SHB: variants seen among roughly 807,000 people sequenced by gnomAD.
SHB encodes SH2 domain containing adaptor protein B.
A neutral mutation model predicts 52.3 loss-of-function variants in SHB; 20 were observed. The observed-to-expected ratio is 0.38, with a 90% CI of 0.27 to 0.56. The LOEUF (loss-of-function observed/expected upper bound fraction) is 0.56, where lower values mean the gene tolerates loss of function less well. Ranked by LOEUF, SHB falls within the 20% of genes least tolerant of loss-of-function variation. The pLI is 0.71. For synonymous variants in SHB, 397 were observed against 316.5 expected (o/e 1.25, Z -2.70); for missense variants, 825 against 723.3 (o/e 1.14, Z -1.61).
chr9:37,988,763 C>T (rs1379561805), intron 2 of SHB, among the ~76,000 whole-genome samples: 1 of 152,138 alleles, frequency 6.6e-6, no homozygotes, highest in Non-Finnish European at 1.5e-5. Context: ...GATTGCACAC[C>T]CCTCCTTGTT....
intron 2 of SHB, among the ~76,000 whole-genome samples, chr9:38,004,753 C>T (rs774237198): frequency 7.9e-5 from 12 of 152,130 alleles, no homozygotes; most frequent in Non-Finnish European, 7.4e-5. Flanking sequence ...AGTGCATGTG[C>T]CAGCGTCCAC....
At chr9:38,055,131 A>G (rs3849927) in intron 1 of SHB, among the ~76,000 whole-genome samples, 104,807 of 152,152 alleles carry the variant, frequency 0.69, 36,268 homozygotes, top group South Asian at 0.78. Flanking sequence ...TGCTGCCAGG[A>G]CTGGTCCTGG....
rs561032981 is a variant in SHB, at chr9:37,916,607, G to A, written c.*3214C>T. On this transcript the variant is annotated 3_prime_UTR_variant, in exon 6 of 6. Coordinates refer to ENST00000377707, the MANE Select transcript of SHB (RefSeq NM_003028.3). ...CACAGAGGGGCCCCGGCCCACAGCC[G>A]CCCTGTGAGGACAGGGCCTGCCTCC... Among the ~76,000 whole-genome samples, 23 of 152,304 alleles carry A rather than the reference G, an allele frequency of 1.5e-4. No individual in the cohort carries two copies. The East Asian group carries it at 2.3e-3, about 15-fold the overall frequency.
At chr9:37,996,641 T>C (rs930396253) in intron 2 of SHB, among the ~76,000 whole-genome samples, 4 of 152,218 alleles carry the variant, frequency 2.6e-5, no homozygotes, top group African/African-American at 9.6e-5. Flanking sequence ...GGGCCAAGGT[T>C]GGAGCCTGCT....
intron 5 of SHB, among the ~76,000 whole-genome samples, chr9:37,927,787 GT>G (rs1197203297): frequency 6.6e-6 from 1 of 152,142 alleles, no homozygotes; most frequent in African/African-American, 2.4e-5. Context: ...GCCTTTTGTA[GT>G]CCCCCCTCAG....
intron 1 of SHB, among the ~76,000 whole-genome samples, chr9:38,034,577 C>T (rs1821458803): frequency 6.6e-6 from 1 of 152,262 alleles, no homozygotes; most frequent in Non-Finnish European, 1.5e-5. Context: ...GGTTGGTTCT[C>T]ATTCTGTCCT....
Position 38,046,141 on chromosome 9 carries a change from C to A in SHB, c.717+21788G>T, listed in dbSNP as rs913947499. ...ATTCAGGAGGCTGAGGTGGGAGAATCGCTCAAAACCGGGAGGCGGAAGTTG... is the reference window on the plus strand; with the variant it reads ...ATTCAGGAGGCTGAGGTGGGAGAATAGCTCAAAACCGGGAGGCGGAAGTTG... On this transcript the variant is annotated intron_variant, in intron 1 of 5. Coordinates refer to ENST00000377707, the MANE Select transcript of SHB (RefSeq NM_003028.3). Among the ~76,000 whole-genome samples the A allele has an allele frequency of 5.3e-5, 8 of 150,976 alleles. No individual in the cohort carries two copies. The South Asian group carries it at 1.7e-3, about 32-fold the overall frequency.
chr9:37,964,681 A>G (rs1832729503), intron 3 of SHB, among the ~76,000 whole-genome samples: 1 of 152,196 alleles, frequency 6.6e-6, no homozygotes, highest in South Asian at 2.1e-4. Context: ...GAGGCCCCTA[A>G]CAAGTTCAGC....
intron 3 of SHB, among the ~76,000 whole-genome samples, chr9:37,970,406 C>A (rs924627908): frequency 2.0e-5 from 3 of 152,166 alleles, no homozygotes; most frequent in African/African-American, 4.8e-5. Flanking sequence ...GATAACTGAG[C>A]CTTCCGCGGT....
At chr9:37,926,574 A>T (rs1164797419) in intron 5 of SHB, among the ~76,000 whole-genome samples, 1 of 152,198 alleles carries the variant, frequency 6.6e-6, no homozygotes, top group Non-Finnish European at 1.5e-5. Context: ...GAGACTGAAC[A>T]CAAGTCCATT....
intron 5 of SHB, among the ~76,000 whole-genome samples, chr9:37,945,535 G>A (rs186063759): frequency 2.0e-5 from 3 of 152,324 alleles, no homozygotes; most frequent in Admixed American, 2.0e-4. Flanking sequence ...GGGGAAAGCT[G>A]GGCAGGTGAG....
intron 2 of SHB, among the ~76,000 whole-genome samples, chr9:37,992,140 C>A (rs1367165412): frequency 6.6e-6 from 1 of 152,196 alleles, no homozygotes. Flanking sequence ...GTGGCTCACA[C>A]CTGTAATCCC....
rs1383002845 is a variant in SHB at position 37,999,752 on chromosome 9, CT to C, written c.838+16258del. Among the ~76,000 whole-genome samples the C allele has an allele frequency of 4.6e-5, 7 of 152,342 alleles. No individual in the cohort carries two copies. In the East Asian group the frequency reaches 1.2e-3, roughly 25 times the overall value. On this transcript the variant is annotated intron_variant, in intron 2 of 5. Coordinates refer to ENST00000377707, the MANE Select transcript of SHB (RefSeq NM_003028.3). ...GCGTGTCTTTGTGTGACTGCCACCACTACCAGGACAGGTTAGCACTAAAGTC... is the reference window on the plus strand; with the variant it reads ...GCGTGTCTTTGTGTGACTGCCACCACACCAGGACAGGTTAGCACTAAAGTC...
At chr9:37,976,748 T>C (rs1294944552) in intron 2 of SHB, among the ~76,000 whole-genome samples, 1 of 152,214 alleles carries the variant, frequency 6.6e-6, no homozygotes, top group Non-Finnish European at 1.5e-5. Flanking sequence ...GTGAGGACTG[T>C]AAGTGAGCTA....
intron 2 of SHB, among the ~76,000 whole-genome samples, chr9:38,002,498 C>T (rs140687631): frequency 2.4e-4 from 37 of 152,232 alleles, no homozygotes; most frequent in African/African-American, 7.2e-4. Flanking sequence ...TACCGAACCA[C>T]GTGAAACACA....
At chr9:38,049,295 G>A (rs971795344) in intron 1 of SHB, among the ~76,000 whole-genome samples, 3 of 152,072 alleles carry the variant, frequency 2.0e-5, no homozygotes, top group Admixed American at 6.5e-5. Context: ...AGGTGTGAGA[G>A]CCCAGCCAAT....
intron 5 of SHB, among the ~76,000 whole-genome samples, chr9:37,940,266 G>A (rs1832420141): frequency 1.3e-5 from 2 of 152,314 alleles, no homozygotes; most frequent in African/African-American, 4.8e-5. Flanking sequence ...ACCACCAGCA[G>A]GGCACATTTT....
chr9:37,953,527 G>A (rs766871627), intron 4 of SHB, among the ~76,000 whole-genome samples: 1 of 152,078 alleles, frequency 6.6e-6, no homozygotes, highest in Non-Finnish European at 1.5e-5. Flanking sequence ...CTGCCTCCAG[G>A]AGGCAGTGGG....
chr9:37,993,042 T>C (rs1587233812), intron 2 of SHB, among the ~76,000 whole-genome samples: 4 of 152,270 alleles, frequency 2.6e-5, no homozygotes, highest in East Asian at 1.9e-4. Context: ...AGCCAGGAGT[T>C]AGCGGCAGGC....
Sources: allele counts gnomAD v4.1 joint callset (sites outside exome capture counted in the v4.1 genomes callset), GRCh38; gene constraint gnomAD v4.1.1; transcripts MANE v1.5; gene names NCBI Gene and HGNC (gene_info 2026-07-23, HGNC 2026-07-21).